PHIP: variants seen among roughly 807,000 people sequenced by gnomAD.
The protein encoded by PHIP is PH-interacting protein.
Under a neutral mutation model 236.8 loss-of-function variants are expected in PHIP, and 54 were observed. That is an observed-to-expected ratio of 0.23 (90% confidence interval 0.18 to 0.29). The LOEUF (loss-of-function observed/expected upper bound fraction) is 0.29. Ranked by LOEUF, PHIP falls within the 10% of genes least tolerant of loss-of-function variation. PHIP has a pLI of 1.00. For synonymous variants in PHIP, 756 were observed against 718.9 expected, an observed-to-expected ratio of 1.05 and a Z score of -0.83; for missense variants, 1,370 against 2,190.8, an observed-to-expected ratio of 0.63 and a Z score of 7.48.
chr6:79,047,150 TCATTCAGAA>T (rs1772537855), intron 6 of PHIP, among the ~76,000 whole-genome samples: 1 of 152,112 alleles, frequency 6.6e-6, no homozygotes, highest in South Asian at 2.1e-4. Context: ...TTGCAGCAAA[TCATTCAGAA>T]CAGCCTTTGA....
At chr6:79,073,168 G>T (rs1209743555) in intron 4 of PHIP, among the ~76,000 whole-genome samples, 4 of 152,106 alleles carry the variant, frequency 2.6e-5, no homozygotes, top group African/African-American at 9.7e-5. Context: ...AGTAAGTATT[G>T]CATTTAAAAA....
rs144217285 is a variant in PHIP at position 79,039,732 on chromosome 6, T to C, written c.600+3111A>G. On this transcript the variant is annotated intron_variant, in intron 7 of 39. Coordinates refer to ENST00000275034, the MANE Select transcript of PHIP (RefSeq NM_017934.7). ...ACTCTGCTTTTTATATGGCGTTCCATGTACTTTTGAGTGCCTTAGTTGTGA... is the reference window on the plus strand; with the variant it reads ...ACTCTGCTTTTTATATGGCGTTCCACGTACTTTTGAGTGCCTTAGTTGTGA... 6.4e-4 allele frequency among the ~76,000 whole-genome samples: 97 copies of C among 152,316 alleles called. 1 individual carries two copies. In the South Asian group the frequency reaches 7.9e-3, roughly 12 times the overall value.
chr6:79,056,421 C>T (rs993441529), intron 6 of PHIP, among the ~76,000 whole-genome samples: 2 of 152,070 alleles, frequency 1.3e-5, no homozygotes, highest in Non-Finnish European at 2.9e-5. Flanking sequence ...AAAGGTCAGT[C>T]TTGTGTGACA....
chr6:79,007,747 C>A, intron 15 of PHIP, among the ~76,000 whole-genome samples: 1 of 144,242 alleles, frequency 6.9e-6, no homozygotes, highest in African/African-American at 2.6e-5. Flanking sequence ...ATGTATGCAA[C>A]TTTTAAAATA....
chr6:78,946,662 T>G, intron 37 of PHIP, 49 bp downstream of exon 37: 1 of 1,485,628 alleles, frequency 6.7e-7, no homozygotes, highest in East Asian at 2.5e-5. Context: ...TTCTATCATT[T>G]AGATGAAAGT....
At chr6:78,961,043 T>C (rs775231924) in intron 31 of PHIP, among the ~76,000 whole-genome samples, 1 of 152,088 alleles carries the variant, frequency 6.6e-6, no homozygotes, top group South Asian at 2.1e-4. Flanking sequence ...TTCCATTATT[T>C]AAAAACTATA....
At chr6:79,067,242 G>T in intron 4 of PHIP, among the ~76,000 whole-genome samples, 1 of 152,084 alleles carries the variant, frequency 6.6e-6, no homozygotes, top group Admixed American at 6.6e-5. Flanking sequence ...ATGCAAGAAT[G>T]GGCCCTATGG....
intron 22 of PHIP, 67 bp from the exon 23 acceptor site, chr6:78,983,184 C>T (rs984682762): frequency 1.3e-5 from 10 of 792,162 alleles, no homozygotes; most frequent in Middle Eastern, 2.5e-4. Context: ...TTTATAAAAA[C>T]GAAAAGAAAG....
intron 17 of PHIP, among the ~76,000 whole-genome samples, chr6:79,000,249 T>G (rs60132767): frequency 0.018 from 2,746 of 152,126 alleles, 90 homozygotes; most frequent in African/African-American, 0.062. Flanking sequence ...ACTGAAAAAT[T>G]TTGGGACTCA....
intron 9 of PHIP, among the ~76,000 whole-genome samples, chr6:79,021,545 T>TA (rs200358337): frequency 3.9e-5 from 6 of 152,088 alleles, no homozygotes; most frequent in Non-Finnish European, 8.8e-5. Flanking sequence ...TATTCAGCCA[T>TA]AAAAAAAGAA....
At chr6:79,022,554 A>G (rs1771172028) in intron 9 of PHIP, among the ~76,000 whole-genome samples, 1 of 152,202 alleles carries the variant, frequency 6.6e-6, no homozygotes, top group Non-Finnish European at 1.5e-5. Flanking sequence ...AGGGATTGAG[A>G]TAACAAATGT....
chr6:78,991,813 T>A (rs1161329685), intron 19 of PHIP, among the ~76,000 whole-genome samples: 1 of 152,042 alleles, frequency 6.6e-6, no homozygotes, highest in Non-Finnish European at 1.5e-5. Flanking sequence ...ATTTAAATCT[T>A]GTGAAAAGAA....
rs766443007 is a variant in PHIP, at chr6:78,946,699, G to T, written c.4370+12C>A. 3.3e-6 allele frequency: 5 copies of T among 1,532,466 alleles called. No homozygotes were observed. Among genetic ancestry groups the T allele is most frequent in the Non-Finnish European group, 4.4e-6 (5 of 1,148,650 alleles). The allele number at this position is 1,532,466 out of a possible 1,614,324, so 94.9% of individuals were successfully genotyped here. A position where few individuals can be genotyped will look rare whatever the true frequency, so the allele number is the denominator to read the frequency against. Reference sequence around the variant, plus strand: ...ATAGATCAGCTAGTGGTATTTAAAAGAAATTAAATACCTTGATGCAGCACT... The same window carrying T: ...ATAGATCAGCTAGTGGTATTTAAAATAAATTAAATACCTTGATGCAGCACT... On this transcript the variant is annotated intron_variant, in intron 37 of 39. Transcript: ENST00000275034.
rs1281857382 is a variant in PHIP at position 79,067,203 on chromosome 6, G to T, written c.190-6385C>A. On this transcript the variant is annotated intron_variant, in intron 4 of 39. Transcript: ENST00000275034. ...TGCCTAGCTCTCATCCCTTTTTGATGAACAAAACATTTTCTCTCCTCCAAT... is the reference window on the plus strand; with the variant it reads ...TGCCTAGCTCTCATCCCTTTTTGATTAACAAAACATTTTCTCTCCTCCAAT... Among the ~76,000 whole-genome samples the T allele has an allele frequency of 2.6e-5, 4 of 152,000 alleles. No individual in the cohort carries two copies. The East Asian group carries it at 7.7e-4, about 29-fold the overall frequency.
At chr6:79,024,667 T>C (rs114028572) in intron 9 of PHIP, among the ~76,000 whole-genome samples, 2,463 of 151,648 alleles carry the variant, frequency 0.016, 65 homozygotes, top group African/African-American at 0.056. Flanking sequence ...TATACGGGAG[T>C]GGTGGCGGGC....
intron 31 of PHIP, among the ~76,000 whole-genome samples, chr6:78,959,057 C>G (rs1042215195): frequency 2.0e-5 from 3 of 152,104 alleles, no homozygotes; most frequent in African/African-American, 7.2e-5. Flanking sequence ...AGTTAACTGA[C>G]AGCCACCTTA....
At chr6:78,957,386 A>G (rs1366284269) in intron 32 of PHIP, 3 of 152,086 alleles carry the variant, frequency 2.0e-5, no homozygotes, top group Admixed American at 1.3e-4. Flanking sequence ...CATAGCAATA[A>G]TAGCCCCCAA....
chr6:78,959,506 T>C (rs1190707606), intron 31 of PHIP, among the ~76,000 whole-genome samples: 1 of 152,092 alleles, frequency 6.6e-6, no homozygotes. Flanking sequence ...TAACAAGAGA[T>C]TGAACTAGAA....
chr6:78,975,244 A>G (rs2127711870), intron 24 of PHIP, among the ~76,000 whole-genome samples: 1 of 152,266 alleles, frequency 6.6e-6, no homozygotes, highest in South Asian at 2.1e-4. Context: ...AATGTAATCC[A>G]GCATATAAAC....
Sources: allele counts gnomAD v4.1 joint callset (sites outside exome capture counted in the v4.1 genomes callset), GRCh38; gene constraint gnomAD v4.1.1; transcripts MANE v1.5; gene names NCBI Gene and HGNC (gene_info 2026-07-23, HGNC 2026-07-21).